MTRR: variants seen among roughly 807,000 people sequenced by gnomAD.
MTRR encodes the protein 5-methyltetrahydrofolate-homocysteine methyltransferase reductase.
Under a neutral mutation model 79.2 loss-of-function variants are expected in MTRR, and 63 were observed. The ratio of observed to expected loss-of-function variants is 0.80; its 90% CI spans 0.65 to 0.98. The LOEUF (loss-of-function observed/expected upper bound fraction) is 0.98. MTRR is among the 50% of genes least tolerant of loss of function. MTRR has a pLI of 0.00. For missense variants in MTRR, 895 were observed against 839.6 expected (o/e 1.07, Z -0.82); for synonymous variants, 355 against 313.3 (o/e 1.13, Z -1.41).
upstream of MTRR, among the ~76,000 whole-genome samples, chr5:7,866,399 C>A (rs1175024947): frequency 2.0e-5 from 3 of 151,976 alleles, no homozygotes; most frequent in African/African-American, 7.2e-5. Context: ...TACCATATCT[C>A]CTAAGAATGC....
At chr5:7,851,133 T>A (rs1579508749), upstream of MTRR, 4 of 1,197,482 alleles carry the variant, frequency 3.3e-6, 1 homozygote, top group Non-Finnish European at 3.1e-6. Context: ...AGCCCGCGTC[T>A]GTGTTCGGTC....
chr5:7,873,523 C>T lies in MTRR; in HGVS notation c.280C>T (p.Leu94=), dbSNP rs1383637211. Residue 94 remains leucine, a synonymous_variant, in exon 3 of 15, where the codon CTG becomes TTG. Transcript: ENST00000440940. The stretch of plus-strand genomic sequence containing the variant: ...CTTTGCTCACCTGCGGTATGGGTTA[C>T]TGGGTAATGGACTCTCTCTTCTGAT... ...DFFAHLRYGL[L]GLGDSEYTYF... is the part of the protein sequence containing the mutation. 2.5e-6 allele frequency: 4 copies of T among 1,613,996 alleles called. No homozygotes were observed. In the African/African-American group the frequency reaches 5.3e-5, roughly 22 times the overall value.
intron 1 of MTRR, among the ~76,000 whole-genome samples, chr5:7,855,555 T>C (rs1414370307): frequency 3.9e-5 from 6 of 152,062 alleles, no homozygotes; most frequent in Non-Finnish European, 8.8e-5. Flanking sequence ...CCACTCAGGC[T>C]GGAGAGCAGT....
At chr5:7,895,055 A>G (rs1030176601) in intron 11 of MTRR, among the ~76,000 whole-genome samples, 1 of 152,214 alleles carries the variant, frequency 6.6e-6, no homozygotes, top group Non-Finnish European at 1.5e-5. Flanking sequence ...ATACAGTTAC[A>G]CCACCATGCA....
intron 11 of MTRR, 193 bp downstream of exon 11, chr5:7,893,106 T>G (rs1737910792): frequency 1.5e-6 from 1 of 650,840 alleles, no homozygotes; most frequent in African/African-American, 1.8e-5. Flanking sequence ...TGTGTGTATT[T>G]TCTGAATGTA....
chr5:7,886,434 G>A (rs2126749893), intron 7 of MTRR, 181 bp from the exon 8 acceptor site: 1 of 586,254 alleles, frequency 1.7e-6, no homozygotes, highest in Middle Eastern at 3.5e-4. Flanking sequence ...TTTTTGTAAG[G>A]TGGAGTTTTT....
intron 12 of MTRR, 121 bp downstream of exon 12, chr5:7,895,973 T>A: frequency 2.4e-6 from 3 of 1,249,908 alleles, no homozygotes. Flanking sequence ...TTATTCAATG[T>A]GCGATAACAT....
chr5:7,850,954 G>A (rs377143847), upstream of MTRR: 1 of 1,335,902 alleles, frequency 7.5e-7, no homozygotes, highest in African/African-American at 1.5e-5. Context: ...GGACTGCGCC[G>A]AGACGGGCGG....
chr5:7,868,480 G>A (rs972291192), upstream of MTRR, among the ~76,000 whole-genome samples: 1 of 152,158 alleles, frequency 6.6e-6, no homozygotes, highest in African/African-American at 2.4e-5. Flanking sequence ...AGCTCTTAAG[G>A]GTGGCCCTTA....
At chr5:7,862,301 T>C (rs1178279514) in intron 2 of MTRR, among the ~76,000 whole-genome samples, 1 of 152,156 alleles carries the variant, frequency 6.6e-6, no homozygotes, top group Non-Finnish European at 1.5e-5. Flanking sequence ...TTCTGTGATG[T>C]GGAAATCTTT....
At chr5:7,895,670 T>G in intron 11 of MTRR, 64 bp from the exon 12 acceptor site, 1 of 1,592,194 alleles carries the variant, frequency 6.3e-7, no homozygotes, top group Non-Finnish European at 8.6e-7. Flanking sequence ...GCAAAGATCA[T>G]CTTGATTATA....
chr5:7,890,248 T>G (rs1441286941), intron 9 of MTRR: 1 of 985,082 alleles, frequency 1.0e-6, no homozygotes, highest in Non-Finnish European at 1.2e-6. Flanking sequence ...TGATTTCTCC[T>G]CCTTTTTCTT....
intron 11 of MTRR, 97 bp downstream of exon 11, chr5:7,893,010 C>A: frequency 2.2e-6 from 3 of 1,337,510 alleles, no homozygotes; most frequent in South Asian, 1.3e-5. Context: ...TCATTACTGT[C>A]ATAAGAAAAT....
At chr5:7,871,728 G>A (rs926212812) in intron 2 of MTRR, among the ~76,000 whole-genome samples, 5 of 152,166 alleles carry the variant, frequency 3.3e-5, no homozygotes, top group Admixed American at 6.5e-5. Context: ...CCCAGCTCAC[G>A]GAAGGAGACT....
chr5:7,861,498 T>C, intron 1 of MTRR: 1 of 1,000,008 alleles, frequency 1.0e-6, no homozygotes, highest in Non-Finnish European at 1.4e-6. Context: ...CATATCTATT[T>C]TTTTCACCTT....
chr5:7,888,525 G>A (rs772635451), intron 8 of MTRR, among the ~76,000 whole-genome samples: 2 of 152,146 alleles, frequency 1.3e-5, no homozygotes, highest in African/African-American at 4.8e-5. Flanking sequence ...GGCACTTGGA[G>A]GAACACGTGT....
intron 1 of MTRR, chr5:7,870,183 A>G (rs1747683232): frequency 3.7e-6 from 2 of 539,412 alleles, no homozygotes; most frequent in Non-Finnish European, 4.8e-6. Flanking sequence ...ACACTCACAT[A>G]TTTTTGATTT....
In MTRR at chr5:7,878,194, A is replaced by T; in HGVS notation, c.652A>T (p.Asn218Tyr). ...KQNAVNSNQSNVVIEDFESSL... is the reference protein window; with the variant it reads ...KQNAVNSNQSYVVIEDFESSL... ...AAATGCAGTGAACAGCAACCAATCCAATGTTGTAATTGAAGACTTTGAGTC... is the reference window on the plus strand; with the variant it reads ...AAATGCAGTGAACAGCAACCAATCCTATGTTGTAATTGAAGACTTTGAGTC... The change falls in exon 5 of 15, where the codon AAT becomes TAT. Residue 218 changes from asparagine to tyrosine, a missense_variant. Asn to Tyr is a moderately radical substitution (Grantham distance 143). Coordinates refer to ENST00000440940, the MANE Select transcript of MTRR (RefSeq NM_002454.3). 1 of 1,614,206 alleles carries T rather than the reference A, an allele frequency of 6.2e-7. No individual in the cohort carries two copies. Among genetic ancestry groups the T allele is most frequent in the Non-Finnish European group, 8.5e-7 (1 of 1,180,034 alleles).
At chr5:7,863,700 T>G (rs1402341943) in intron 2 of MTRR, among the ~76,000 whole-genome samples, 1 of 152,160 alleles carries the variant, frequency 6.6e-6, no homozygotes, top group Non-Finnish European at 1.5e-5. Flanking sequence ...GAGAAAATGG[T>G]TATTTATTTG....
Sources: allele counts gnomAD v4.1 joint callset (sites outside exome capture counted in the v4.1 genomes callset), GRCh38; gene constraint gnomAD v4.1.1; transcripts MANE v1.5; gene names NCBI Gene and HGNC (gene_info 2026-07-23, HGNC 2026-07-21).